The following DPT variants were observed in gnomAD, a reference collection of about 807,000 sequenced individuals.
The protein encoded by DPT is dermatopontin.
In DPT, 21 loss-of-function variants were observed where a neutral mutation model predicts 31.2. That is an observed-to-expected ratio of 0.67 (90% CI 0.48 to 0.97). The LOEUF is 0.97. DPT is among the 50% of genes least tolerant of loss of function. DPT has a pLI of 0.00. For synonymous variants in DPT, 91 were observed against 86.9 expected (o/e 1.05, Z -0.26); for missense variants, 262 against 258.8 (o/e 1.01, Z -0.08).
At chr1:168,727,684 G>A (rs1313819471) in intron 1 of DPT, among the ~76,000 whole-genome samples, 1 of 148,000 alleles carries the variant, frequency 6.8e-6, no homozygotes, top group African/African-American at 2.5e-5. Flanking sequence ...ACCACAGGCT[G>A]CATGCAACTA....
intron 1 of DPT, among the ~76,000 whole-genome samples, chr1:168,716,281 G>C (rs1202719140): frequency 6.6e-6 from 1 of 150,660 alleles, no homozygotes; most frequent in East Asian, 1.9e-4. Flanking sequence ...CTCTACTACT[G>C]TTCTGTATCA....
At chr1:168,719,693 T>C (rs1269154360) in intron 1 of DPT, among the ~76,000 whole-genome samples, 1 of 151,946 alleles carries the variant, frequency 6.6e-6, no homozygotes, top group Admixed American at 6.6e-5. Context: ...TGGTGAATTG[T>C]ATAACATGAC....
chr1:168,721,151 G>T (rs1250128091), intron 1 of DPT, among the ~76,000 whole-genome samples: 1 of 152,220 alleles, frequency 6.6e-6, no homozygotes, highest in Non-Finnish European at 1.5e-5. Flanking sequence ...GGACAGTGGA[G>T]CAGTGAAGTG....
chr1:168,704,472 G>A (rs1414495910), intron 2 of DPT, among the ~76,000 whole-genome samples: 1 of 152,172 alleles, frequency 6.6e-6, no homozygotes, highest in Admixed American at 6.5e-5. Context: ...GCGTGAACCC[G>A]GGAGGCGGAG....
rs1325194500 is a variant in DPT at position 168,728,728 on chromosome 1, C to T, written c.305+142G>A. The T allele has an allele frequency of 3.9e-6, 4 of 1,035,024 alleles. No individual in the cohort carries two copies. The East Asian group carries it at 1.0e-4, about 27-fold the overall frequency. 64.1% of individuals were successfully genotyped at this position (1,035,024 alleles called of 1,614,324 possible). A position where few individuals can be genotyped will look rare whatever the true frequency, so the allele number is the denominator to read the frequency against. On this transcript the variant is annotated intron_variant, in intron 1 of 3. Transcript: ENST00000367817. Reference sequence around the variant, plus strand: ...CCGCTCAGCAGCAGCCCTGCTCCACCCAGAGCATGCAGTGGTGAGGTTTGG... The same window carrying T: ...CCGCTCAGCAGCAGCCCTGCTCCACTCAGAGCATGCAGTGGTGAGGTTTGG...
intron 2 of DPT, among the ~76,000 whole-genome samples, chr1:168,712,735 T>C (rs1649895571): frequency 6.6e-6 from 1 of 152,176 alleles, no homozygotes; most frequent in South Asian, 2.1e-4. Context: ...ATTTTTAGGG[T>C]TCAACACAAC....
At chr1:168,714,122 G>T in intron 2 of DPT, 99 bp downstream of exon 2, 1 of 1,529,598 alleles carries the variant, frequency 6.5e-7, no homozygotes, top group Non-Finnish European at 8.9e-7. Flanking sequence ...TGCCTTCCAG[G>T]CTTGTGTGTG....
intron 1 of DPT, among the ~76,000 whole-genome samples, chr1:168,726,966 G>A (rs559260235): frequency 6.6e-6 from 1 of 152,358 alleles, no homozygotes; most frequent in African/African-American, 2.4e-5. Context: ...CTGCCTGTGT[G>A]AGTCCTCTCC....
At chr1:168,723,882 C>T (rs1224755774) in intron 1 of DPT, among the ~76,000 whole-genome samples, 3 of 152,104 alleles carry the variant, frequency 2.0e-5, no homozygotes, top group Admixed American at 6.5e-5. Flanking sequence ...CTTGTAAAGA[C>T]AGCACACAAA....
At chr1:168,697,282 T>A (rs12116727) in intron 3 of DPT, among the ~76,000 whole-genome samples, 20,748 of 152,056 alleles carry the variant, frequency 0.14, 1,730 homozygotes, top group African/African-American at 0.24. Flanking sequence ...GAAAAAAATC[T>A]TGTTTTAAAA....
At chr1:168,713,766 A>G (rs775407380) in intron 2 of DPT, among the ~76,000 whole-genome samples, 10 of 152,064 alleles carry the variant, frequency 6.6e-5, no homozygotes, top group Non-Finnish European at 1.0e-4. Flanking sequence ...TTTTCTGTCT[A>G]TAACTATGTA....
chr1:168,722,929 G>C (rs1056621174), intron 1 of DPT, among the ~76,000 whole-genome samples: 1 of 152,072 alleles, frequency 6.6e-6, no homozygotes, highest in Non-Finnish European at 1.5e-5. Flanking sequence ...AGAAGATTGT[G>C]TCCTGCAGGT....
rs1269345708 is a variant in DPT at position 168,728,930 on chromosome 1, TG to T, written c.244del (p.Gln82ArgfsTer64). 1 of 1,614,240 alleles carries T rather than the reference TG, an allele frequency of 6.2e-7. No individual in the cohort carries two copies. Among genetic ancestry groups the T allele is most frequent in the East Asian group, 2.2e-5 (1 of 44,894 alleles). ...GCACTCCGTGGGTTCCCCGAGGCTC[TG>T]TGGCGTGGGCATGCAGGCGTAGTTC... ...QWNYACMPTP[Q>X]SLGEPTECWW... On this transcript the variant is annotated frameshift_variant, in exon 1 of 4. Transcript: ENST00000367817. LOFTEE classifies it high-confidence loss of function.
In DPT at chr1:168,696,212, C is replaced by A; in HGVS notation, c.*337G>T. On this transcript the variant is annotated 3_prime_UTR_variant, in exon 4 of 4. Coordinates refer to ENST00000367817, the MANE Select transcript of DPT (RefSeq NM_001937.5). ...TATGCTGAACTTGCAGTTCATTCTGCAGTAAAAAGCAGTAGCCAGGCTGCA... is the reference window on the plus strand; with the variant it reads ...TATGCTGAACTTGCAGTTCATTCTGAAGTAAAAAGCAGTAGCCAGGCTGCA... The A allele has an allele frequency of 2.3e-6, 1 of 430,118 alleles. No homozygotes were observed. Among genetic ancestry groups the A allele is most frequent in the Non-Finnish European group, 4.1e-6 (1 of 245,362 alleles). The allele number at this position is 430,118 out of a possible 1,614,324, so 26.6% of individuals were successfully genotyped here. A position where few individuals can be genotyped will look rare whatever the true frequency, so the allele number is the denominator to read the frequency against.
chr1:168,715,827 T>C (rs1438409476), intron 1 of DPT, among the ~76,000 whole-genome samples: 1 of 152,200 alleles, frequency 6.6e-6, no homozygotes, highest in Non-Finnish European at 1.5e-5. Flanking sequence ...TTCAGTTACC[T>C]CTCCTTCTTT....
At chr1:168,725,244 C>CTTTCCTT (rs1650213961) in intron 1 of DPT, among the ~76,000 whole-genome samples, 1 of 149,362 alleles carries the variant, frequency 6.7e-6, no homozygotes, top group Non-Finnish European at 1.5e-5. Context: ...CTTTCCTTTC[C>CTTTCCTT]TTTCCTTTCT....
At chr1:168,722,761 T>C (rs1489451711) in intron 1 of DPT, among the ~76,000 whole-genome samples, 1 of 152,068 alleles carries the variant, frequency 6.6e-6, no homozygotes, top group Non-Finnish European at 1.5e-5. Context: ...TGAGTAAAGG[T>C]AGTAGTGGGG....
At chr1:168,708,301 T>C (rs990416703) in intron 2 of DPT, among the ~76,000 whole-genome samples, 1 of 152,206 alleles carries the variant, frequency 6.6e-6, no homozygotes, top group Non-Finnish European at 1.5e-5. Flanking sequence ...ATTTTAAATA[T>C]GGCACAATAA....
chr1:168,704,647 A>C (rs558099693), intron 2 of DPT, among the ~76,000 whole-genome samples: 1 of 152,224 alleles, frequency 6.6e-6, no homozygotes, highest in South Asian at 2.1e-4. Flanking sequence ...CTTGTGGTAC[A>C]GTTTCTCACT....
Sources: gnomAD v4.1 joint callset for allele counts (sites outside exome capture counted in the v4.1 genomes callset) on GRCh38, gnomAD v4.1.1 for gene constraint, MANE v1.5 for transcripts, NCBI Gene and HGNC (gene_info 2026-07-23, HGNC 2026-07-21) for gene names.